PIEZO2: variants seen among roughly 807,000 people sequenced by gnomAD.
PIEZO2 encodes piezo-type mechanosensitive ion channel component 2.
PIEZO2 carries 172 observed loss-of-function variants against 337.3 expected under a neutral mutation model. That is an observed-to-expected ratio of 0.51 (90% confidence interval 0.45 to 0.58). The LOEUF (loss-of-function observed/expected upper bound fraction) is 0.58, where lower values mean the gene tolerates loss of function less well. PIEZO2 is among the 20% of genes least tolerant of loss of function. The pLI is 0.00. For missense variants in PIEZO2, 3,028 were observed against 3,391.3 expected, an observed-to-expected ratio of 0.89 and a Z score of 2.66; for synonymous variants, 1,251 against 1,228.5, an observed-to-expected ratio of 1.02 and a Z score of -0.38.
intron 11 of PIEZO2, among the ~76,000 whole-genome samples, chr18:10,798,393 A>G (rs2039686786): frequency 6.6e-6 from 1 of 152,214 alleles, no homozygotes; most frequent in Non-Finnish European, 1.5e-5. Context: ...ACTACTCCAC[A>G]TGGGCTCTGC....
rs545503837 is a variant in PIEZO2, at chr18:10,679,343, C to T, written c.7952+856G>A. Among the ~76,000 whole-genome samples, 38 of 152,330 alleles carry T rather than the reference C, an allele frequency of 2.5e-4. 1 individual carries two copies. The highest frequency in any genetic ancestry group is 8.7e-4 in the African/African-American group (36 of 41,576). On this transcript the variant is annotated intron_variant, in intron 52 of 55. Coordinates refer to ENST00000674853, the MANE Select transcript of PIEZO2 (RefSeq NM_001378183.1). ...TCACCTTGCCTCTCTTCTCTCTACC[C>T]TCTCTTTCTTGCTCACAGAACTCAC...
At chr18:10,904,885 C>T (rs2145030362) in intron 4 of PIEZO2, among the ~76,000 whole-genome samples, 1 of 152,322 alleles carries the variant, frequency 6.6e-6, no homozygotes, top group East Asian at 1.9e-4. Flanking sequence ...AAAGTGTGAA[C>T]ACAGAAGCCA....
intron 27 of PIEZO2, among the ~76,000 whole-genome samples, chr18:10,756,681 T>G (rs534694927): frequency 1.7e-3 from 233 of 140,078 alleles, no homozygotes; most frequent in African/African-American, 6.1e-3. Flanking sequence ...GGAGGAGGGA[T>G]GCAGGATGAG....
At chr18:11,082,310 T>C (rs1201515503) in intron 1 of PIEZO2, among the ~76,000 whole-genome samples, 3 of 142,716 alleles carry the variant, frequency 2.1e-5, no homozygotes, top group Non-Finnish European at 4.5e-5. Flanking sequence ...TAGATACATA[T>C]TTTTTTCTTT....
chr18:10,934,024 C>T (rs2032235378), intron 3 of PIEZO2, among the ~76,000 whole-genome samples: 1 of 152,206 alleles, frequency 6.6e-6, no homozygotes, highest in Non-Finnish European at 1.5e-5. Context: ...CAGGGTAAGT[C>T]TTTATTTGCA....
At chr18:11,037,706 T>C (rs2036972713) in intron 2 of PIEZO2, among the ~76,000 whole-genome samples, 1 of 152,174 alleles carries the variant, frequency 6.6e-6, no homozygotes, top group Admixed American at 6.5e-5. Context: ...GTTAAACACA[T>C]ATGAAATGAC....
chr18:10,884,529 C>A (rs1175926487), intron 4 of PIEZO2, among the ~76,000 whole-genome samples: 1 of 152,168 alleles, frequency 6.6e-6, no homozygotes, highest in African/African-American at 2.4e-5. Context: ...GGCTCACATC[C>A]TGAAATGGCT....
At chr18:11,147,357 GA>G (rs1052454717) in intron 1 of PIEZO2, among the ~76,000 whole-genome samples, 2 of 152,162 alleles carry the variant, frequency 1.3e-5, no homozygotes, top group Non-Finnish European at 2.9e-5. Context: ...GAGGTTTGTT[GA>G]AAAGACGCCT....
At chr18:10,791,009 G>A (rs1357628482) in intron 14 of PIEZO2, among the ~76,000 whole-genome samples, 192 bp downstream of exon 14, 2 of 152,126 alleles carry the variant, frequency 1.3e-5, no homozygotes, top group African/African-American at 2.4e-5. Context: ...CGGCCCAACT[G>A]GCACATTTTT....
chr18:10,752,028 A>G (rs757540794), intron 28 of PIEZO2, among the ~76,000 whole-genome samples: 3 of 152,166 alleles, frequency 2.0e-5, no homozygotes, highest in Non-Finnish European at 2.9e-5. Flanking sequence ...TCAACCGTAC[A>G]TTGCTCTAGC....
At chr18:10,960,550 CAA>C (rs1047845826) in intron 3 of PIEZO2, among the ~76,000 whole-genome samples, 3 of 124,126 alleles carry the variant, frequency 2.4e-5, no homozygotes, top group Non-Finnish European at 5.2e-5. Flanking sequence ...ACTGTAGCCA[CAA>C]AGACTTTTTT....
intron 1 of PIEZO2, among the ~76,000 whole-genome samples, chr18:11,088,348 T>C (rs8096439): frequency 0.99 from 150,621 of 152,332 alleles, 74,471 homozygotes; most frequent in East Asian, 1. Flanking sequence ...ACAACACATT[T>C]CTTAAATGAG....
rs1021263575 is a variant in PIEZO2 at position 10,705,406 on chromosome 18, C to T, written c.5929G>A (p.Asp1977Asn). 2.7e-5 allele frequency: 41 copies of T among 1,537,228 alleles called. No homozygotes were observed. In the East Asian group the frequency reaches 2.9e-4, roughly 11 times the overall value. The change falls in exon 41 of 56, where the codon GAC becomes AAC. Residue 1977 changes from aspartate to asparagine, a missense_variant. By Grantham distance (23) the Asp-to-Asn change is conservative (BLOSUM62 1). Coordinates refer to ENST00000674853, the MANE Select transcript of PIEZO2 (RefSeq NM_001378183.1). The stretch of plus-strand genomic sequence containing the variant: ...GGTAAGATGCTGGACCCCAGCTTGT[C>T]GGTGCGGCTGTCGTCCGGGCTGACT... ...MAVSPDDSRT[D>N]KLGSSILPPL...
At chr18:11,059,734 C>T (rs1313025593) in intron 2 of PIEZO2, among the ~76,000 whole-genome samples, 2 of 152,180 alleles carry the variant, frequency 1.3e-5, no homozygotes, top group Non-Finnish European at 2.9e-5. Flanking sequence ...GCACCCAATA[C>T]AGGAGCACCC....
intron 2 of PIEZO2, among the ~76,000 whole-genome samples, chr18:11,059,724 G>A (rs1274716330): frequency 6.6e-6 from 1 of 152,150 alleles, no homozygotes; most frequent in Non-Finnish European, 1.5e-5. Flanking sequence ...AAATATATAT[G>A]CACCCAATAC....
At chr18:11,054,149 G>A (rs1197806639) in intron 2 of PIEZO2, among the ~76,000 whole-genome samples, 1 of 152,186 alleles carries the variant, frequency 6.6e-6, no homozygotes, top group Non-Finnish European at 1.5e-5. Flanking sequence ...CTAATGGAAG[G>A]CACAGTTTGT....
intron 9 of PIEZO2, among the ~76,000 whole-genome samples, chr18:10,802,646 C>T (rs1456922540): frequency 6.6e-6 from 1 of 152,088 alleles, no homozygotes; most frequent in East Asian, 1.9e-4. Flanking sequence ...GAAAATCTGG[C>T]TTCACATAGG....
chr18:10,913,263 C>A (rs1246217571), intron 3 of PIEZO2, among the ~76,000 whole-genome samples: 2 of 152,076 alleles, frequency 1.3e-5, no homozygotes, highest in African/African-American at 4.8e-5. Context: ...GAATACATAA[C>A]CTGTGGAAGC....
At position 11,021,500 on chromosome 18, in the gene PIEZO2, T is replaced by C. The variant is rs1330686874; in HGVS notation, c.161-41840A>G. ...TTGGTGGTAAGGATGCAAATTTGAG[T>C]TGAGTTTCTGAGCAGACTCTCCTGC... On this transcript the variant is annotated intron_variant, in intron 2 of 55. Coordinates refer to ENST00000674853, the MANE Select transcript of PIEZO2 (RefSeq NM_001378183.1). This position sits in a 1 kb window ranked among gnomAD's most constrained non-coding sequence, Gnocchi z 4.7. 3.3e-5 allele frequency among the ~76,000 whole-genome samples: 5 copies of C among 152,282 alleles called. No homozygotes were observed. In the East Asian group the frequency reaches 9.6e-4, roughly 29 times the overall value.
Sources: allele counts gnomAD v4.1 joint callset (sites outside exome capture counted in the v4.1 genomes callset), GRCh38; gene constraint gnomAD v4.1.1; non-coding constraint Gnocchi (gnomAD v3.1); transcripts MANE v1.5; gene names NCBI Gene and HGNC (gene_info 2026-07-23, HGNC 2026-07-21).